PRKAR1B: variants seen among roughly 807,000 people sequenced by gnomAD.
The protein encoded by PRKAR1B is protein kinase cAMP-dependent type I regulatory subunit beta, also known as cAMP-dependent protein kinase type I-beta regulatory subunit.
PRKAR1B carries 22 observed loss-of-function variants against 46.5 expected under a neutral mutation model. The observed-to-expected ratio is 0.47, with a 90% CI of 0.34 to 0.68. The LOEUF is 0.68. PRKAR1B is among the 30% of genes least tolerant of loss of function. The pLI is 0.01. For missense variants in PRKAR1B, 445 were observed against 535.6 expected, an observed-to-expected ratio of 0.83 and a Z score of 1.67; for synonymous variants, 259 against 217.7, an observed-to-expected ratio of 1.19 and a Z score of -1.67.
At chr7:629,754 G>A (rs1218654143) in intron 4 of PRKAR1B, among the ~76,000 whole-genome samples, 16 of 89,512 alleles carry the variant, frequency 1.8e-4, no homozygotes, top group South Asian at 1.0e-3. Flanking sequence ...CCCCAGGGCT[G>A]GAAAACGCTG....
At chr7:588,062 C>T (rs991004923) in intron 7 of PRKAR1B, among the ~76,000 whole-genome samples, 4 of 152,186 alleles carry the variant, frequency 2.6e-5, no homozygotes, top group Non-Finnish European at 4.4e-5. Context: ...TTTCCGGTAG[C>T]GTGGCCCTCC....
chr7:710,901 C>T (rs927343868), intron 2 of PRKAR1B, among the ~76,000 whole-genome samples: 1 of 152,160 alleles, frequency 6.6e-6, no homozygotes, highest in Non-Finnish European at 1.5e-5. Flanking sequence ...GCCTCGGCCT[C>T]CCAAAGTGCT....
chr7:658,493 G>C (rs1028913572), intron 4 of PRKAR1B, among the ~76,000 whole-genome samples: 1 of 152,164 alleles, frequency 6.6e-6, no homozygotes, highest in Non-Finnish European at 1.5e-5. Context: ...TGATCTGATG[G>C]CTGAGGTTTG....
chr7:668,017 C>G (rs886415154), intron 4 of PRKAR1B, among the ~76,000 whole-genome samples: 5 of 152,238 alleles, frequency 3.3e-5, no homozygotes, highest in African/African-American at 1.2e-4. Context: ...ATCTCCCACA[C>G]TGTTACGGAT....
intron 7 of PRKAR1B, among the ~76,000 whole-genome samples, chr7:588,223 CCT>C (rs1293836158): frequency 6.6e-6 from 1 of 151,972 alleles, no homozygotes; most frequent in African/African-American, 2.4e-5. Context: ...GGACACCCAC[CCT>C]CCCCTGCCTT....
At chr7:682,886 G>A (rs1232777225) in intron 2 of PRKAR1B, among the ~76,000 whole-genome samples, 1 of 152,152 alleles carries the variant, frequency 6.6e-6, no homozygotes, top group Non-Finnish European at 1.5e-5. Flanking sequence ...CCTCGAGGTG[G>A]GTGCGGCCCC....
rs948172842 is a variant in PRKAR1B, at chr7:559,144, C to G, written c.892-7674G>C. 3.3e-5 allele frequency among the ~76,000 whole-genome samples: 5 copies of G among 152,376 alleles called. No homozygotes were observed. In the South Asian group the frequency reaches 6.2e-4, roughly 19 times the overall value. ...GGCCGTGAACGAGGAGGCCACATCC[C>G]TGCCCGGACCAGGACTCGGCACCCA... On this transcript the variant is annotated intron_variant, in intron 9 of 10. Coordinates refer to ENST00000537384, the MANE Select transcript of PRKAR1B (RefSeq NM_001164760.2).
At chr7:641,498 T>C (rs1784387769) in intron 4 of PRKAR1B, among the ~76,000 whole-genome samples, 1 of 152,142 alleles carries the variant, frequency 6.6e-6, no homozygotes, top group South Asian at 2.1e-4. Flanking sequence ...ACAACCCAAA[T>C]GGTGCCGTAT....
At chr7:577,877 C>T (rs1779950138) in intron 9 of PRKAR1B, among the ~76,000 whole-genome samples, 1 of 152,224 alleles carries the variant, frequency 6.6e-6, no homozygotes, top group South Asian at 2.1e-4. Flanking sequence ...GGAGCCGCTC[C>T]CGCTAGGCAG....
intron 4 of PRKAR1B, among the ~76,000 whole-genome samples, chr7:611,926 G>C (rs1199111720): frequency 1.3e-5 from 2 of 151,772 alleles, no homozygotes. Context: ...CGGATGGATG[G>C]ATGGATGGAC....
chr7:726,674 G>A, intron 1 of PRKAR1B: 3 of 1,207,060 alleles, frequency 2.5e-6, no homozygotes, highest in Non-Finnish European at 3.1e-6. Context: ...TCTGCGCTGA[G>A]AGTCGCGAAA....
chr7:615,720 C>T (rs1366340041), intron 4 of PRKAR1B, among the ~76,000 whole-genome samples: 8 of 147,032 alleles, frequency 5.4e-5, no homozygotes, highest in Non-Finnish European at 9.0e-5. Context: ...CCCAGCTACT[C>T]GGGAGGCTGA....
chr7:551,350 C>T (rs1439190146), intron 10 of PRKAR1B, 39 bp downstream of exon 10: 1 of 1,541,142 alleles, frequency 6.5e-7, no homozygotes, highest in Admixed American at 2.0e-5. Context: ...AATGAGATGG[C>T]CACAGCCGTG....
At chr7:564,721 T>A (rs1779028069) in intron 9 of PRKAR1B, among the ~76,000 whole-genome samples, 1 of 152,026 alleles carries the variant, frequency 6.6e-6, no homozygotes, top group Non-Finnish European at 1.5e-5. Flanking sequence ...TCCTCACAGC[T>A]CAGGGGAGGG....
chr7:689,870 A>G (rs1441058961), intron 2 of PRKAR1B, among the ~76,000 whole-genome samples: 2 of 151,662 alleles, frequency 1.3e-5, no homozygotes, highest in Admixed American at 6.6e-5. Context: ...TTAGTAGAGA[A>G]CTGGGTTTTA....
At chr7:611,330 G>A (rs1782472635) in intron 4 of PRKAR1B, among the ~76,000 whole-genome samples, 1 of 152,174 alleles carries the variant, frequency 6.6e-6, no homozygotes, top group Admixed American at 6.5e-5. Context: ...TTGAGGGCCT[G>A]AGCGTCTGGG....
At chr7:698,909 C>A (rs970165163) in intron 2 of PRKAR1B, among the ~76,000 whole-genome samples, 1 of 152,330 alleles carries the variant, frequency 6.6e-6, no homozygotes, top group African/African-American at 2.4e-5. Context: ...CCTCTCCCCA[C>A]GCAGCAGCAG....
chr7:645,166 G>A (rs989115896), intron 4 of PRKAR1B, among the ~76,000 whole-genome samples: 2 of 152,114 alleles, frequency 1.3e-5, no homozygotes, highest in African/African-American at 4.8e-5. Context: ...CACTCGGCAG[G>A]CAGCAGGCAC....
intron 4 of PRKAR1B, among the ~76,000 whole-genome samples, chr7:672,783 G>A (rs1232713962): frequency 4.6e-5 from 7 of 152,008 alleles, no homozygotes; most frequent in East Asian, 2.0e-4. Context: ...CAGGGGAATC[G>A]CTTGAACCCG....
Sources: gnomAD v4.1 joint callset for allele counts (sites outside exome capture counted in the v4.1 genomes callset) on GRCh38, gnomAD v4.1.1 for gene constraint, MANE v1.5 for transcripts, NCBI Gene and HGNC (gene_info 2026-07-23, HGNC 2026-07-21) for gene names.